The following STXBP6 variants were observed in gnomAD, a reference collection of about 807,000 sequenced individuals.
STXBP6 encodes syntaxin-binding protein 6.
STXBP6 carries 21 observed loss-of-function variants against 26.9 expected under a neutral mutation model. The ratio of observed to expected loss-of-function variants is 0.78; its 90% CI spans 0.55 to 1.12. The LOEUF is 1.12. STXBP6 is among the 50% of genes most tolerant of loss of function. The probability of loss-of-function intolerance (pLI) is 0.00; values close to 1 mark genes in which losing one functional copy is unlikely to be tolerated. For missense variants in STXBP6, 232 were observed against 257.9 expected (o/e 0.90, Z 0.69); for synonymous variants, 97 against 92.6 (o/e 1.05, Z -0.27).
intron 2 of STXBP6, among the ~76,000 whole-genome samples, chr14:24,878,070 T>C (rs1469709695): frequency 1.3e-5 from 2 of 152,170 alleles, no homozygotes. Flanking sequence ...TCTATTGTGT[T>C]GACCACCTTT....
At chr14:24,983,931 C>A (rs2074263102) in intron 1 of STXBP6, among the ~76,000 whole-genome samples, 1 of 152,102 alleles carries the variant, frequency 6.6e-6, no homozygotes, top group African/African-American at 2.4e-5. Flanking sequence ...TAAATCAGAG[C>A]AAAACTTCTT....
At chr14:25,019,205 T>C (rs372127135) in intron 1 of STXBP6, among the ~76,000 whole-genome samples, 22 of 152,308 alleles carry the variant, frequency 1.4e-4, no homozygotes, top group African/African-American at 5.1e-4. Flanking sequence ...CTAGAGACAA[T>C]TGAAGCAATC....
chr14:24,999,647 C>A (rs1595287276), intron 1 of STXBP6, among the ~76,000 whole-genome samples: 1 of 152,226 alleles, frequency 6.6e-6, no homozygotes, highest in East Asian at 1.9e-4. Context: ...GAGGTGACAT[C>A]TGAAGACTAT....
chr14:24,956,301 C>T (rs575993714), intron 2 of STXBP6, among the ~76,000 whole-genome samples: 173 of 152,246 alleles, frequency 1.1e-3, no homozygotes, highest in Non-Finnish European at 2.1e-3. Flanking sequence ...GAGGGCTTTG[C>T]GGCTGCCTAT....
rs184592587 is a variant in STXBP6 at position 25,046,328 on chromosome 14, A to T, written c.-33+3550T>A. Among the ~76,000 whole-genome samples the T allele has an allele frequency of 6.0e-4, 91 of 152,378 alleles. 1 individual carries two copies. The East Asian group carries it at 0.011, about 19-fold the overall frequency. On this transcript the variant is annotated intron_variant, in intron 1 of 5. Transcript: ENST00000323944. ...TAACTAATGAATCTTAAGAGTGACA[A>T]CCAGAAGGCTGTTCCTTCACCAAGT...
chr14:24,966,285 C>CA (rs2073731242), intron 2 of STXBP6, among the ~76,000 whole-genome samples: 1 of 151,984 alleles, frequency 6.6e-6, no homozygotes, highest in South Asian at 2.1e-4. Flanking sequence ...ACTGACAGCA[C>CA]ATCCTCTAAA....
At chr14:24,933,122 CT>C (rs1454498711) in intron 2 of STXBP6, among the ~76,000 whole-genome samples, 2 of 152,286 alleles carry the variant, frequency 1.3e-5, no homozygotes, top group South Asian at 2.1e-4. Flanking sequence ...GGATGGATTG[CT>C]TGATCTCAGG....
chr14:24,988,378 G>A (rs1026340800), intron 1 of STXBP6, among the ~76,000 whole-genome samples: 1 of 152,176 alleles, frequency 6.6e-6, no homozygotes, highest in African/African-American at 2.4e-5. Flanking sequence ...TCGTTGAGGA[G>A]AAAGACAAGG....
At chr14:24,902,323 T>C (rs1024830965) in intron 2 of STXBP6, among the ~76,000 whole-genome samples, 3 of 152,162 alleles carry the variant, frequency 2.0e-5, no homozygotes, top group Admixed American at 2.0e-4. Context: ...TAGTAATATT[T>C]GCCATAGACA....
At chr14:24,847,753 T>G (rs1278079540) in intron 4 of STXBP6, among the ~76,000 whole-genome samples, 2 of 152,154 alleles carry the variant, frequency 1.3e-5, no homozygotes, top group Non-Finnish European at 2.9e-5. Context: ...CTTGTAAAGT[T>G]TAGAAAACAT....
chr14:24,861,685 AGGG>A (rs386775733), intron 2 of STXBP6, among the ~76,000 whole-genome samples: 3,213 of 152,354 alleles, frequency 0.021, 122 homozygotes, highest in African/African-American at 0.073. Flanking sequence ...CTTTCAGAAC[AGGG>A]AAACATCCTC....
intron 1 of STXBP6, among the ~76,000 whole-genome samples, chr14:25,007,176 GTAT>G (rs1415718686): frequency 6.6e-6 from 1 of 152,176 alleles, no homozygotes; most frequent in Admixed American, 6.5e-5. Context: ...ACAATGCCTT[GTAT>G]ACCCCATCAT....
At chr14:24,904,464 C>T (rs1595081113) in intron 2 of STXBP6, among the ~76,000 whole-genome samples, 1 of 152,098 alleles carries the variant, frequency 6.6e-6, no homozygotes, top group East Asian at 1.9e-4. Context: ...TACTTTTGCG[C>T]CAACCTAATA....
rs906356577 is a variant in STXBP6, at chr14:25,049,493, G to C, written c.-33+385C>G. 21 of 985,262 alleles carry C rather than the reference G, an allele frequency of 2.1e-5. No individual in the cohort carries two copies. Among genetic ancestry groups the C allele is most frequent in the Non-Finnish European group, 2.4e-5 (20 of 829,938 alleles). 61.0% of individuals were successfully genotyped at this position (985,262 alleles called of 1,614,324 possible). A position where few individuals can be genotyped will look rare whatever the true frequency, so the allele number is the denominator to read the frequency against. On this transcript the variant is annotated intron_variant, in intron 1 of 5. Coordinates refer to ENST00000323944, the MANE Select transcript of STXBP6 (RefSeq NM_001394410.1). The surrounding 1 kb of genome is among the most constrained non-coding windows in gnomAD (Gnocchi z 5.6). Reference sequence around the variant, plus strand: ...GCGACCCCGAGCTCCCCCACACTGGGAGCCTCGGGGCAGCATTCTCGGGGC... The same window carrying C: ...GCGACCCCGAGCTCCCCCACACTGGCAGCCTCGGGGCAGCATTCTCGGGGC...
At chr14:24,938,595 G>GAA (rs75008425) in intron 2 of STXBP6, among the ~76,000 whole-genome samples, 2 of 116,644 alleles carry the variant, frequency 1.7e-5, no homozygotes, top group African/African-American at 6.2e-5. Context: ...GAAAAACCAG[G>GAA]AAAAAAAAAA....
chr14:24,995,043 A>C (rs1180292192), intron 1 of STXBP6: 1 of 156,500 alleles, frequency 6.4e-6, no homozygotes, highest in Non-Finnish European at 1.4e-5. Flanking sequence ...ACACACACAA[A>C]ATTCCATAGA....
chr14:24,833,660 A>C (rs1173667095), intron 4 of STXBP6, among the ~76,000 whole-genome samples: 1 of 152,238 alleles, frequency 6.6e-6, no homozygotes, highest in African/African-American at 2.4e-5. Flanking sequence ...AGAAAGGATC[A>C]ACTTCTGGAC....
intron 1 of STXBP6, among the ~76,000 whole-genome samples, chr14:24,987,219 G>A (rs1036041870): frequency 6.6e-6 from 1 of 152,224 alleles, no homozygotes; most frequent in East Asian, 1.9e-4. Context: ...CCAAGGTACA[G>A]GAGTCACTTC....
chr14:24,918,452 CCACACACACACACACACA>C lies in STXBP6; in HGVS notation c.154+56195_154+56212del, dbSNP rs55810129. ...TTATTTCTTAAAAACCACACCCCCACCACACACACACACACACACACACACACACACACACACACACAC... is the reference window on the plus strand; with the variant it reads ...TTATTTCTTAAAAACCACACCCCCACCACACACACACACACACACACACAC... On this transcript the variant is annotated intron_variant, in intron 2 of 5. Coordinates refer to ENST00000323944, the MANE Select transcript of STXBP6 (RefSeq NM_001394410.1). 2.5e-3 allele frequency among the ~76,000 whole-genome samples: 339 copies of C among 133,474 alleles called. 7 individuals carry two copies. The highest frequency in any genetic ancestry group is 2.8e-3 in the East Asian group (12 of 4,300). The allele number at this position is 133,474 out of a possible 152,430, so 87.6% of individuals were successfully genotyped here.
Sources: allele counts gnomAD v4.1 joint callset (sites outside exome capture counted in the v4.1 genomes callset), GRCh38; gene constraint gnomAD v4.1.1; non-coding constraint Gnocchi (gnomAD v3.1); transcripts MANE v1.5; gene names NCBI Gene and HGNC (gene_info 2026-07-23, HGNC 2026-07-21).